DTNA: variants seen among roughly 807,000 people sequenced by gnomAD.
DTNA encodes the protein dystrobrevin alpha, also known as dystrophin-related protein 3.
A neutral mutation model predicts 100.7 loss-of-function variants in DTNA; 43 were observed. The ratio of observed to expected loss-of-function variants is 0.43; its 90% CI spans 0.33 to 0.55. The LOEUF (loss-of-function observed/expected upper bound fraction) is 0.55, where lower values mean the gene tolerates loss of function less well. DTNA is among the 20% of genes least tolerant of loss of function. The pLI, the probability that DTNA is intolerant of heterozygous loss-of-function variation, is 0.04. For missense variants in DTNA, 798 were observed against 953.9 expected (o/e 0.84, Z 2.15); for synonymous variants, 349 against 347.9 (o/e 1.00, Z -0.04).
At chr18:34,732,036 C>T (rs1357701259) in intron 1 of DTNA, among the ~76,000 whole-genome samples, 5 of 152,136 alleles carry the variant, frequency 3.3e-5, no homozygotes. Context: ...AAATCAGTCT[C>T]CTCCCTATCC....
Position 34,550,932 on chromosome 18 carries a change from C to G in DTNA, c.-2+57418C>G, listed in dbSNP as rs77224860. On this transcript the variant is annotated intron_variant, in intron 1 of 19. Transcript: ENST00000283365. ...TATAACTATTCAGTTAATTGTACAG[C>G]TTTCATTGATGACATTGCATTCTGC... 2.9e-3 allele frequency among the ~76,000 whole-genome samples: 437 copies of G among 152,282 alleles called. 2 individuals are homozygous for G. Among genetic ancestry groups the G allele is most frequent in the African/African-American group, 0.01 (417 of 41,574 alleles).
chr18:34,818,771 T>A, intron 8 of DTNA: 1 of 523,726 alleles, frequency 1.9e-6, no homozygotes, highest in Non-Finnish European at 2.7e-6. Context: ...GAAACAAGTA[T>A]GAGAGGAGAG....
chr18:34,750,063 C>A (rs942458651), intron 1 of DTNA, among the ~76,000 whole-genome samples: 4 of 152,192 alleles, frequency 2.6e-5, no homozygotes, highest in Non-Finnish European at 5.9e-5. Context: ...CTGAACCCAG[C>A]ATTTTCTTTT....
intron 1 of DTNA, among the ~76,000 whole-genome samples, chr18:34,608,524 T>G (rs2053583129): frequency 6.6e-6 from 1 of 152,056 alleles, no homozygotes. Flanking sequence ...TTTTTTTTTT[T>G]TTTATGGATT....
intron 1 of DTNA, 82 bp downstream of exon 1, chr18:34,710,527 C>T (rs546379419): frequency 3.9e-5 from 6 of 152,262 alleles, no homozygotes; most frequent in African/African-American, 1.4e-4. Context: ...ATTTCACTGT[C>T]GCCCCCACCC....
chr18:34,843,222 T>A (rs1295286029), intron 13 of DTNA, among the ~76,000 whole-genome samples: 1 of 152,084 alleles, frequency 6.6e-6, no homozygotes, highest in Admixed American at 6.6e-5. Context: ...AGATGAAAAA[T>A]TAAAGTATTA....
At chr18:34,873,964 CAGCCCATT>C in intron 17 of DTNA, among the ~76,000 whole-genome samples, 1 of 152,178 alleles carries the variant, frequency 6.6e-6, no homozygotes. Context: ...ATGGGACCCT[CAGCCCATT>C]GGGCACCCCA....
chr18:34,585,640 TG>T (rs1247124015), intron 1 of DTNA, among the ~76,000 whole-genome samples: 1 of 152,128 alleles, frequency 6.6e-6, no homozygotes, highest in Non-Finnish European at 1.5e-5. Context: ...ACACACATGC[TG>T]GAGGAAGTAT....
chr18:34,618,780 C>G (rs1481549889), intron 1 of DTNA, among the ~76,000 whole-genome samples: 1 of 152,086 alleles, frequency 6.6e-6, no homozygotes, highest in Non-Finnish European at 1.5e-5. Flanking sequence ...TGAGGAAAAC[C>G]TGTATTTTTA....
At chr18:34,570,865 G>A (rs1358159465) in intron 1 of DTNA, among the ~76,000 whole-genome samples, 1 of 152,156 alleles carries the variant, frequency 6.6e-6, no homozygotes, top group Non-Finnish European at 1.5e-5. Flanking sequence ...TGGAAGCTTT[G>A]AGTGGGCTCC....
intron 1 of DTNA, among the ~76,000 whole-genome samples, chr18:34,550,108 T>C (rs1342525247): frequency 6.6e-6 from 1 of 152,162 alleles, no homozygotes; most frequent in Non-Finnish European, 1.5e-5. Flanking sequence ...CTAACAGTGA[T>C]ATTTTATCCT....
At chr18:34,668,038 G>A (rs1217291947) in intron 1 of DTNA, among the ~76,000 whole-genome samples, 1 of 152,180 alleles carries the variant, frequency 6.6e-6, no homozygotes. Context: ...GTATTCAGCT[G>A]TGAATCCATC....
intron 3 of DTNA, among the ~76,000 whole-genome samples, chr18:34,766,540 G>A (rs1294490921): frequency 1.3e-5 from 2 of 151,896 alleles, no homozygotes; most frequent in African/African-American, 2.4e-5. Context: ...GGAGGAAGGG[G>A]GAGGGATAGC....
At chr18:34,801,349 A>G (rs188870449) in intron 4 of DTNA, among the ~76,000 whole-genome samples, 2 of 152,266 alleles carry the variant, frequency 1.3e-5, no homozygotes. Context: ...TGTATAGGCA[A>G]AAGTTCCAGG....
chr18:34,793,861 T>C (rs2094855154), intron 3 of DTNA, among the ~76,000 whole-genome samples, 176 bp from the exon 4 acceptor site: 2 of 152,248 alleles, frequency 1.3e-5, no homozygotes, highest in South Asian at 2.1e-4. Context: ...TATTATGTAA[T>C]GCACATCAAG....
chr18:34,727,688 C>T (rs368272565), intron 1 of DTNA, among the ~76,000 whole-genome samples: 67 of 152,048 alleles, frequency 4.4e-4, no homozygotes, highest in Non-Finnish European at 7.5e-4. Context: ...CCTCAGCCTC[C>T]GAAGTAGTTG....
intron 1 of DTNA, among the ~76,000 whole-genome samples, chr18:34,529,001 T>C (rs1418332197): frequency 6.6e-6 from 1 of 152,150 alleles, no homozygotes; most frequent in Non-Finnish European, 1.5e-5. Flanking sequence ...GCCATTGATA[T>C]GTAGGTGGCT....
chr18:34,841,809 A>G (rs1011245527), intron 13 of DTNA, among the ~76,000 whole-genome samples: 1 of 152,068 alleles, frequency 6.6e-6, no homozygotes, highest in Non-Finnish European at 1.5e-5. Flanking sequence ...TGTTTTTGCC[A>G]TTATTCAGAC....
chr18:34,676,963 CT>C (rs1442722566), intron 1 of DTNA, among the ~76,000 whole-genome samples: 2 of 152,172 alleles, frequency 1.3e-5, no homozygotes, highest in Non-Finnish European at 2.9e-5. Context: ...CTTTAATTCA[CT>C]AGCAGCTTGG....
Sources: allele counts gnomAD v4.1 joint callset (sites outside exome capture counted in the v4.1 genomes callset), GRCh38; gene constraint gnomAD v4.1.1; transcripts MANE v1.5; gene names NCBI Gene and HGNC (gene_info 2026-07-23, HGNC 2026-07-21).